Variants in ABCB4 observed in about 807,000 individuals in gnomAD.
ABCB4 encodes the protein ATP binding cassette subfamily B member 4.
A neutral mutation model predicts 145.7 loss-of-function variants in ABCB4; 76 were observed. That is an observed-to-expected ratio of 0.52 (90% confidence interval 0.43 to 0.63). ABCB4 has a LOEUF of 0.63. ABCB4 is among the 30% of genes least tolerant of loss of function. The pLI, the probability that ABCB4 is intolerant of heterozygous loss-of-function variation, is 0.00. For missense variants in ABCB4, 1,234 were observed against 1,553.1 expected, an observed-to-expected ratio of 0.79 and a Z score of 3.45; for synonymous variants, 517 against 566.8, an observed-to-expected ratio of 0.91 and a Z score of 1.25.
chr7:87,402,997 AAAAAAT>A, intron 27 of ABCB4, 132 bp downstream of exon 27: 3 of 1,026,260 alleles, frequency 2.9e-6, no homozygotes, highest in Non-Finnish European at 4.5e-6. Context: ...CCCCGTCTCA[AAAAAAT>A]AAAAATAAAA....
At chr7:87,414,525 T>G (rs1203843504) in intron 21 of ABCB4, among the ~76,000 whole-genome samples, 1 of 152,200 alleles carries the variant, frequency 6.6e-6, no homozygotes, top group African/African-American at 2.4e-5. Context: ...AGAGCAGTTC[T>G]CTGATTCTTA....
chr7:87,425,907 AAAATT>A (rs1172774907), intron 16 of ABCB4, among the ~76,000 whole-genome samples: 1 of 152,130 alleles, frequency 6.6e-6, no homozygotes, highest in Admixed American at 6.5e-5. Flanking sequence ...ATAAATAAAT[AAAATT>A]ATTTGTTAAC....
intron 18 of ABCB4, among the ~76,000 whole-genome samples, chr7:87,421,447 T>A (rs1455939353): frequency 6.6e-6 from 1 of 152,208 alleles, no homozygotes; most frequent in Non-Finnish European, 1.5e-5. Flanking sequence ...GATCAAATCA[T>A]TGAGTTGTGT....
At chr7:87,462,089 G>A (rs1018393842) in intron 4 of ABCB4, among the ~76,000 whole-genome samples, 18 of 152,130 alleles carry the variant, frequency 1.2e-4, no homozygotes, top group African/African-American at 2.9e-4. Flanking sequence ...GTTGAATTTC[G>A]TTACTATGAA....
At chr7:87,470,416 T>C (rs1431242318) in intron 3 of ABCB4, among the ~76,000 whole-genome samples, 4 of 152,072 alleles carry the variant, frequency 2.6e-5, no homozygotes, top group Non-Finnish European at 5.9e-5. Flanking sequence ...AAAGAAACTA[T>C]CATTAGAGTG....
chr7:87,417,618 G>T, intron 20 of ABCB4, 103 bp from the exon 21 acceptor site: 1 of 888,226 alleles, frequency 1.1e-6, no homozygotes, highest in Non-Finnish European at 1.9e-6. Context: ...CTATGCCTGA[G>T]CTACATTGGC....
chr7:87,423,585 T>C lies in ABCB4; in HGVS notation c.2211+321A>G, dbSNP rs1337929621. ...CTGCTCCACTCTCTCTCCACCTCACTGTGCGACTTGTACCAGCTTTTCTAC... is the reference window on the plus strand; with the variant it reads ...CTGCTCCACTCTCTCTCCACCTCACCGTGCGACTTGTACCAGCTTTTCTAC... On this transcript the variant is annotated intron_variant, in intron 17 of 27. Transcript: ENST00000649586. 1.0e-4 allele frequency: 40 copies of C among 383,488 alleles called. No individual in the cohort carries two copies. The Admixed American group carries it at 1.5e-3, about 14-fold the overall frequency. 23.8% of individuals were successfully genotyped at this position (383,488 alleles called of 1,614,324 possible).
chr7:87,398,432 T>G (rs1033071566), downstream of ABCB4: 39 of 1,444,550 alleles, frequency 2.7e-5, no homozygotes, highest in African/African-American at 5.0e-4. Flanking sequence ...ATTTCATGTA[T>G]GAATATCCAG....
intron 14 of ABCB4, 76 bp from the exon 15 acceptor site, chr7:87,431,641 T>G: frequency 7.7e-6 from 12 of 1,556,860 alleles, no homozygotes; most frequent in Non-Finnish European, 1.1e-5. Flanking sequence ...GTTAAGCACT[T>G]GGATGAATGC....
chr7:87,409,012 CT>C (rs377193061), intron 24 of ABCB4, among the ~76,000 whole-genome samples: 156 of 148,254 alleles, frequency 1.1e-3, no homozygotes, highest in African/African-American at 2.7e-3. Context: ...CTGGTTTTCC[CT>C]TTTTTTTTTA....
chr7:87,422,437 T>C (rs1409647166), intron 17 of ABCB4, among the ~76,000 whole-genome samples: 2 of 152,226 alleles, frequency 1.3e-5, no homozygotes, highest in Non-Finnish European at 2.9e-5. Context: ...AGTCACATTG[T>C]TGTGCAACCT....
chr7:87,439,805 G>A lies in ABCB4; in HGVS notation c.1593C>T (p.Ala531=), dbSNP rs1810850188. Residue 531 remains alanine, a synonymous_variant, in exon 14 of 28, where the codon GCC becomes GCT. Transcript: ENST00000649586. ...TCTGCTTCTGCCCACCACTCAGCTG[G>A]GCCCCTCTCTCTCCAACCAGGGTGT... is the stretch of plus-strand genomic sequence containing the variant. The part of the protein sequence containing the change: ...KFDTLVGERG[A]QLSGGQKQRI... 1 of 1,614,106 alleles carries A rather than the reference G, an allele frequency of 6.2e-7. No homozygotes were observed.
chr7:87,382,226 TAAC>T, the ABCB4 span: 1 of 1,515,066 alleles, frequency 6.6e-7, no homozygotes, highest in South Asian at 1.2e-5. Flanking sequence ...TTTTTTCTTT[TAAC>T]AACCATATGT....
At chr7:87,447,305 G>A (rs761694413) in intron 8 of ABCB4, 100 bp from the exon 9 acceptor site, 2 of 1,176,750 alleles carry the variant, frequency 1.7e-6, no homozygotes, top group South Asian at 2.7e-5. Flanking sequence ...AAGTAACAAA[G>A]TCAGTCAAGG....
At chr7:87,391,540 T>C in the ABCB4 span, 1 of 1,551,234 alleles carries the variant, frequency 6.4e-7, no homozygotes, top group South Asian at 1.2e-5. Flanking sequence ...TGTAATGATA[T>C]TAGAGCATTT....
chr7:87,467,140 G>C (rs970587451), intron 3 of ABCB4, among the ~76,000 whole-genome samples: 1 of 145,058 alleles, frequency 6.9e-6, no homozygotes, highest in Non-Finnish European at 1.6e-5. Context: ...TCAGTGTGCT[G>C]TATTCAGGAA....
chr7:87,445,091 C>CT (rs147821186), intron 9 of ABCB4, 116 bp from the exon 10 acceptor site: 39,757 of 519,158 alleles, frequency 0.077, 15 homozygotes, highest in East Asian at 0.098. Context: ...TTATCCTTTC[C>CT]TTTTTTTTTT....
intron 2 of ABCB4, among the ~76,000 whole-genome samples, chr7:87,473,607 C>G (rs1813593110): frequency 6.6e-6 from 1 of 152,168 alleles, no homozygotes; most frequent in Non-Finnish European, 1.5e-5. Flanking sequence ...TCCCCTTAAC[C>G]TGGATTAATG....
intron 7 of ABCB4, 83 bp downstream of exon 7, chr7:87,451,540 A>G: frequency 6.8e-7 from 1 of 1,463,844 alleles, no homozygotes. Flanking sequence ...AGACCTGAAC[A>G]GGTACAAGTA....
Sources: allele counts gnomAD v4.1 joint callset (sites outside exome capture counted in the v4.1 genomes callset), GRCh38; gene constraint gnomAD v4.1.1; transcripts MANE v1.5; gene names NCBI Gene and HGNC (gene_info 2026-07-23, HGNC 2026-07-21).